Variants in STIM2 observed in about 807,000 individuals in gnomAD.
The protein encoded by STIM2 is stromal interaction molecule 2.
Under a neutral mutation model 85.8 loss-of-function variants are expected in STIM2, and 31 were observed. The observed-to-expected ratio is 0.36, with a 90% CI of 0.27 to 0.49. STIM2 has a LOEUF of 0.49. Ranked by LOEUF, STIM2 falls within the 20% of genes least tolerant of loss-of-function variation. The pLI is 0.98. For synonymous variants in STIM2, 356 were observed against 331.1 expected, an observed-to-expected ratio of 1.08 and a Z score of -0.82; for missense variants, 841 against 927.6, an observed-to-expected ratio of 0.91 and a Z score of 1.21.
intron 1 of STIM2, among the ~76,000 whole-genome samples, chr4:26,905,807 A>G (rs999410051): frequency 2.0e-5 from 3 of 152,194 alleles, no homozygotes; most frequent in African/African-American, 7.2e-5. Flanking sequence ...AAACACATAC[A>G]TTAAGAACTT....
intron 2 of STIM2, among the ~76,000 whole-genome samples, chr4:26,955,161 T>A (rs1157410509): frequency 6.8e-6 from 1 of 147,098 alleles, no homozygotes. Context: ...ATTAAAAAAA[T>A]CTTTTATTTT....
chr4:26,869,943 A>G lies in STIM2; in HGVS notation c.151+8574A>G, dbSNP rs769022684. Among the ~76,000 whole-genome samples the G allele has an allele frequency of 3.9e-5, 6 of 152,172 alleles. No homozygotes were observed. The East Asian group carries it at 1.2e-3, about 29-fold the overall frequency. On this transcript the variant is annotated intron_variant, in intron 1 of 11. Coordinates refer to ENST00000467087, the MANE Select transcript of STIM2 (RefSeq NM_020860.4). ...TGAATGCATAAAGAAAATGTGATAC[A>G]TACGCACTTGCACCATGAAATATTA... is the stretch of plus-strand genomic sequence containing the variant.
chr4:27,018,396 C>T (rs1046268940), intron 11 of STIM2, among the ~76,000 whole-genome samples: 11 of 152,150 alleles, frequency 7.2e-5, no homozygotes, highest in African/African-American at 2.2e-4. Flanking sequence ...CACAGGATCT[C>T]CCATCTTCAA....
In STIM2 at chr4:27,023,715, A is replaced by G. The variant is rs985934252; in HGVS notation, c.*719A>G. ...TTGTTTTGTTTTCCCCAGGGCTTTCACTGTGATTTACTGCATTGCAGGCTG... is the reference window on the plus strand; with the variant it reads ...TTGTTTTGTTTTCCCCAGGGCTTTCGCTGTGATTTACTGCATTGCAGGCTG... On this transcript the variant is annotated 3_prime_UTR_variant, in exon 12 of 12. Transcript: ENST00000467087. 7 of 152,618 alleles carry G rather than the reference A, an allele frequency of 4.6e-5. No individual in the cohort carries two copies. Among genetic ancestry groups the G allele is most frequent in the African/African-American group, 1.7e-4 (7 of 41,456 alleles). 9.5% of individuals were successfully genotyped at this position (152,618 alleles called of 1,614,324 possible). A position where few individuals can be genotyped will look rare whatever the true frequency, so the allele number is the denominator to read the frequency against.
chr4:26,880,128 C>G (rs1029412369), intron 1 of STIM2, among the ~76,000 whole-genome samples: 4 of 152,174 alleles, frequency 2.6e-5, no homozygotes, highest in Non-Finnish European at 5.9e-5. Context: ...GATCTGGCCC[C>G]TGTCTACCTT....
chr4:26,929,099 A>C (rs1315909392), intron 2 of STIM2, among the ~76,000 whole-genome samples: 1 of 152,180 alleles, frequency 6.6e-6, no homozygotes, highest in East Asian at 1.9e-4. Flanking sequence ...TATGAGAAGA[A>C]TAATATTAAA....
At chr4:26,872,003 A>C (rs143276324) in intron 1 of STIM2, among the ~76,000 whole-genome samples, 1 of 152,348 alleles carries the variant, frequency 6.6e-6, no homozygotes, top group Non-Finnish European at 1.5e-5. Flanking sequence ...GGATGCAAAG[A>C]ATAAATGAAT....
At chr4:26,913,340 C>A (rs1028964061) in intron 1 of STIM2, among the ~76,000 whole-genome samples, 5 of 151,782 alleles carry the variant, frequency 3.3e-5, no homozygotes, top group African/African-American at 1.2e-4. Context: ...GTATAGTAAT[C>A]AATAAAACAG....
intron 9 of STIM2, 75 bp from the exon 10 acceptor site, chr4:27,008,689 C>A: frequency 7.1e-7 from 1 of 1,402,196 alleles, no homozygotes; most frequent in South Asian, 1.2e-5. Flanking sequence ...ATGGTCTGTT[C>A]ATGTATTGCC....
At chr4:26,894,709 TTA>T (rs1260171131) in intron 1 of STIM2, among the ~76,000 whole-genome samples, 1 of 152,216 alleles carries the variant, frequency 6.6e-6, no homozygotes, top group Non-Finnish European at 1.5e-5. Flanking sequence ...CACTGTCATC[TTA>T]TATGTCTTAA....
chr4:26,874,966 A>C (rs1167627628), intron 1 of STIM2, among the ~76,000 whole-genome samples: 1 of 152,222 alleles, frequency 6.6e-6, no homozygotes, highest in Non-Finnish European at 1.5e-5. Context: ...TCTTAGAATA[A>C]AATTGGCAGC....
intron 2 of STIM2, among the ~76,000 whole-genome samples, chr4:26,935,972 A>C (rs1321151296): frequency 6.6e-6 from 1 of 152,172 alleles, no homozygotes; most frequent in African/African-American, 2.4e-5. Flanking sequence ...TGCCAAGTTC[A>C]ACCTTAAAAA....
intron 1 of STIM2, among the ~76,000 whole-genome samples, chr4:26,883,654 A>G (rs1235074227): frequency 6.6e-6 from 1 of 152,208 alleles, no homozygotes; most frequent in Non-Finnish European, 1.5e-5. Context: ...TAAAAATAGA[A>G]TTGTATAATT....
intron 3 of STIM2, among the ~76,000 whole-genome samples, chr4:26,973,394 C>G (rs937338757): frequency 2.0e-5 from 3 of 152,170 alleles, no homozygotes; most frequent in African/African-American, 7.2e-5. Context: ...AAATTTCCCT[C>G]TACACACTAC....
chr4:26,880,003 C>T (rs1722944477), intron 1 of STIM2, among the ~76,000 whole-genome samples: 1 of 152,132 alleles, frequency 6.6e-6, no homozygotes, highest in Non-Finnish European at 1.5e-5. Context: ...CATTCTTTAC[C>T]TTCTGCAGTC....
intron 8 of STIM2, 93 bp downstream of exon 8, chr4:27,007,793 A>C (rs1044291776): frequency 1.5e-6 from 2 of 1,311,898 alleles, no homozygotes; most frequent in African/African-American, 3.0e-5. Flanking sequence ...TCTGAATAAA[A>C]GTTTTATTAT....
At chr4:27,007,282 AGTGGAT>A (rs1728396359) in intron 7 of STIM2, among the ~76,000 whole-genome samples, 1 of 151,048 alleles carries the variant, frequency 6.6e-6, no homozygotes, top group South Asian at 2.1e-4. Context: ...AACTTTGCTT[AGTGGAT>A]TTAAGATGCA....
In STIM2 at chr4:27,023,035, G is replaced by A. The variant is rs763951232; in HGVS notation, c.*39G>A. 2.5e-6 allele frequency: 4 copies of A among 1,574,326 alleles called. No individual in the cohort carries two copies. Among genetic ancestry groups the A allele is most frequent in the Non-Finnish European group, 3.4e-6 (4 of 1,161,174 alleles). ...ATGGAATCATGTTCAAGTGGCATCT[G>A]TAAACTATTATCCCCCACCCTCCAC... On this transcript the variant is annotated 3_prime_UTR_variant, in exon 12 of 12. Coordinates refer to ENST00000467087, the MANE Select transcript of STIM2 (RefSeq NM_020860.4).
At position 26,880,682 on chromosome 4, in the gene STIM2, A is replaced by AAT. The variant is rs564864110; in HGVS notation, c.151+19324_151+19325dup. 7.2e-3 allele frequency among the ~76,000 whole-genome samples: 1,023 copies of AAT among 142,454 alleles called. 13 individuals carry two copies. Among genetic ancestry groups the AAT allele is most frequent in the African/African-American group, 0.025 (951 of 38,544 alleles). The allele number at this position is 142,454 out of a possible 152,430, so 93.5% of individuals were successfully genotyped here. ...AAATATATATGTAAATATATATGTA[A>AAT]ATATATATATATGTATATATATATC... On this transcript the variant is annotated intron_variant, in intron 1 of 11. Transcript: ENST00000467087.
Sources: allele counts gnomAD v4.1 joint callset (sites outside exome capture counted in the v4.1 genomes callset), GRCh38; gene constraint gnomAD v4.1.1; transcripts MANE v1.5; gene names NCBI Gene and HGNC (gene_info 2026-07-23, HGNC 2026-07-21).